The following TNIK variants were observed in gnomAD, a reference collection of about 807,000 sequenced individuals.
The protein encoded by TNIK is TRAF2 and NCK-interacting protein kinase.
In TNIK, 49 loss-of-function variants were observed where a neutral mutation model predicts 191.3. The ratio of observed to expected loss-of-function variants is 0.26; its 90% CI spans 0.20 to 0.32. TNIK has a LOEUF of 0.32. TNIK is among the 10% of genes least tolerant of loss of function. The pLI is 1.00. For synonymous variants in TNIK, 594 were observed against 600.9 expected (o/e 0.99, Z 0.17); for missense variants, 1,155 against 1,702.3 (o/e 0.68, Z 5.66).
intron 2 of TNIK, among the ~76,000 whole-genome samples, chr3:171,286,119 G>C (rs1330726784): frequency 6.6e-6 from 1 of 152,170 alleles, no homozygotes; most frequent in Non-Finnish European, 1.5e-5. Flanking sequence ...TATGTCTGAT[G>C]ATGAGCCATT....
intron 1 of TNIK, among the ~76,000 whole-genome samples, chr3:171,447,014 A>G (rs1727588362): frequency 1.3e-5 from 2 of 152,234 alleles, no homozygotes; most frequent in African/African-American, 4.8e-5. Context: ...AACACAGTTA[A>G]ACCTTATCTC....
chr3:171,069,039 G>A (rs569234047), intron 29 of TNIK, 42 bp from the exon 30 acceptor site: 26 of 1,565,188 alleles, frequency 1.7e-5, no homozygotes, highest in East Asian at 2.3e-5. Context: ...ACTCAAAGAG[G>A]CATCTTAATT....
Position 171,192,851 on chromosome 3 carries a change from C to T in TNIK, c.417+1674G>A, listed in dbSNP as rs1476216715. On this transcript the variant is annotated intron_variant, in intron 5 of 32. Transcript: ENST00000436636. ...TCAGCAGCCAGGCCTCCTTGTTTCC[C>T]CTCAAATTTTGTGTTATGTTCTGTT... Among the ~76,000 whole-genome samples, 3 of 152,152 alleles carry T rather than the reference C, an allele frequency of 2.0e-5. No individual in the cohort carries two copies. In the South Asian group the frequency reaches 6.2e-4, roughly 32 times the overall value.
intron 2 of TNIK, among the ~76,000 whole-genome samples, chr3:171,309,106 AT>A (rs1226553878): frequency 6.6e-6 from 1 of 152,132 alleles, no homozygotes; most frequent in African/African-American, 2.4e-5. Flanking sequence ...ACATGTTATG[AT>A]CACTGTAGCA....
chr3:171,100,008 C>T (rs1255142075), intron 22 of TNIK, among the ~76,000 whole-genome samples: 2 of 152,278 alleles, frequency 1.3e-5, no homozygotes, highest in East Asian at 1.9e-4. Flanking sequence ...AATCCAAGTA[C>T]GAACTTATCA....
intron 23 of TNIK, 109 bp downstream of exon 23, chr3:171,093,730 G>T: frequency 7.1e-7 from 1 of 1,417,582 alleles, no homozygotes; most frequent in East Asian, 2.5e-5. Context: ...CCTCCCCCAA[G>T]AATTCCCCAT....
intron 1 of TNIK, among the ~76,000 whole-genome samples, chr3:171,389,392 C>A (rs1719160900): frequency 6.6e-6 from 1 of 152,124 alleles, no homozygotes; most frequent in Non-Finnish European, 1.5e-5. Context: ...TAATAATTCC[C>A]AAAAATATTT....
chr3:171,092,953 A>G (rs533144920), intron 23 of TNIK, among the ~76,000 whole-genome samples: 39 of 152,374 alleles, frequency 2.6e-4, no homozygotes, highest in African/African-American at 9.4e-4. Flanking sequence ...AGAGTGAAAT[A>G]AAATAGTTAA....
chr3:171,121,411 G>A (rs1381629306), intron 18 of TNIK, among the ~76,000 whole-genome samples: 1 of 152,138 alleles, frequency 6.6e-6, no homozygotes, highest in African/African-American at 2.4e-5. Context: ...GACTTGTGAT[G>A]GCTAATGGGT....
intron 4 of TNIK, among the ~76,000 whole-genome samples, chr3:171,200,148 G>C (rs866153345): frequency 2.0e-5 from 3 of 152,186 alleles, no homozygotes; most frequent in South Asian, 2.1e-4. Context: ...GGGGTGATAG[G>C]GGGTGGAGGA....
At chr3:171,406,479 G>C (rs1721704265) in intron 1 of TNIK, among the ~76,000 whole-genome samples, 1 of 152,110 alleles carries the variant, frequency 6.6e-6, no homozygotes, top group South Asian at 2.1e-4. Flanking sequence ...ACCCAGACTG[G>C]AGTACAGTGG....
chr3:171,059,343 G>A lies in TNIK; in HGVS notation c.*4538C>T, dbSNP rs1052326014. Among the ~76,000 whole-genome samples the A allele has an allele frequency of 6.6e-6, 1 of 151,994 alleles. No homozygotes were observed. Among genetic ancestry groups the A allele is most frequent in the Non-Finnish European group, 1.5e-5 (1 of 67,982 alleles). ...TTTTTGTTTAAAAATGCTTTTATGG[G>A]GATTTTTATTTTGGTATATTCTGGC... On this transcript the variant is annotated 3_prime_UTR_variant, in exon 33 of 33. Coordinates refer to ENST00000436636, the MANE Select transcript of TNIK (RefSeq NM_015028.4).
chr3:171,353,651 TAA>T (rs1173445083), intron 2 of TNIK, among the ~76,000 whole-genome samples: 1 of 152,086 alleles, frequency 6.6e-6, no homozygotes, highest in Non-Finnish European at 1.5e-5. Context: ...TTAAAAAAAA[TAA>T]AGAGATGGCT....
intron 1 of TNIK, among the ~76,000 whole-genome samples, chr3:171,456,695 G>A (rs2108744663): frequency 6.6e-6 from 1 of 152,306 alleles, no homozygotes; most frequent in South Asian, 2.1e-4. Context: ...GTGGCCTAGA[G>A]CTCCATGGTT....
chr3:171,160,164 T>G (rs573817022), intron 11 of TNIK, among the ~76,000 whole-genome samples: 1 of 152,180 alleles, frequency 6.6e-6, no homozygotes, highest in Non-Finnish European at 1.5e-5. Flanking sequence ...ACGGCCAACA[T>G]GCTATGTATC....
At chr3:171,339,332 A>G (rs542595514) in intron 2 of TNIK, among the ~76,000 whole-genome samples, 1 of 152,116 alleles carries the variant, frequency 6.6e-6, no homozygotes, top group South Asian at 2.1e-4. Flanking sequence ...CCATGTGTCC[A>G]CTCTGATATT....
chr3:171,075,168 T>A (rs1719732692), intron 28 of TNIK, among the ~76,000 whole-genome samples: 1 of 152,258 alleles, frequency 6.6e-6, no homozygotes, highest in East Asian at 1.9e-4. Flanking sequence ...AATCATACAG[T>A]ATTAGTTTAT....
intron 1 of TNIK, among the ~76,000 whole-genome samples, chr3:171,417,556 C>T (rs1429087920): frequency 6.6e-6 from 1 of 152,078 alleles, no homozygotes; most frequent in Admixed American, 6.5e-5. Context: ...AGTTAAAAAT[C>T]ATTTAACTTT....
chr3:171,130,114 G>C (rs925380186), intron 15 of TNIK, among the ~76,000 whole-genome samples: 1 of 152,152 alleles, frequency 6.6e-6, no homozygotes, highest in Non-Finnish European at 1.5e-5. Flanking sequence ...TTTTTATGTA[G>C]CAGCTAAAAG....
Sources: allele counts gnomAD v4.1 joint callset (sites outside exome capture counted in the v4.1 genomes callset), GRCh38; gene constraint gnomAD v4.1.1; transcripts MANE v1.5; gene names NCBI Gene and HGNC (gene_info 2026-07-23, HGNC 2026-07-21).